FRMPD2: variants seen among roughly 807,000 people sequenced by gnomAD.
FRMPD2 encodes the protein FERM and PDZ domain containing 2.
In FRMPD2, 96 loss-of-function variants were observed where a neutral mutation model predicts 140.1. The ratio of observed to expected loss-of-function variants is 0.69; its 90% CI spans 0.58 to 0.81. The LOEUF (loss-of-function observed/expected upper bound fraction) is 0.81, where lower values mean the gene tolerates loss of function less well. FRMPD2 is among the 40% of genes least tolerant of loss of function. The pLI, the probability that FRMPD2 is intolerant of heterozygous loss-of-function variation, is 0.00. For missense variants in FRMPD2, 1,240 were observed against 1,447.4 expected, an observed-to-expected ratio of 0.86 and a Z score of 2.32; for synonymous variants, 449 against 547.6, an observed-to-expected ratio of 0.82 and a Z score of 2.52.
At chr10:48,249,224 T>C in intron 2 of FRMPD2, 46 bp from the exon 3 acceptor site, 2 of 1,594,624 alleles carry the variant, frequency 1.3e-6, no homozygotes, top group Admixed American at 1.7e-5. Context: ...AGCTTCCATC[T>C]GGGGTGCCAG....
At chr10:48,218,743 C>T (rs958219586) in intron 12 of FRMPD2, among the ~76,000 whole-genome samples, 1 of 152,108 alleles carries the variant, frequency 6.6e-6, no homozygotes, top group Admixed American at 6.5e-5. Context: ...GCAAATGTGA[C>T]AGAGGAGAGC....
intron 16 of FRMPD2, among the ~76,000 whole-genome samples, chr10:48,187,894 T>G (rs1165800349): frequency 6.6e-6 from 1 of 152,200 alleles, no homozygotes; most frequent in Non-Finnish European, 1.5e-5. Context: ...GGCATTCAAC[T>G]GGCCCTGACG....
At chr10:48,185,754 A>G (rs998146609) in intron 17 of FRMPD2, 109 bp from the exon 18 acceptor site, 1 of 785,738 alleles carries the variant, frequency 1.3e-6, no homozygotes, top group African/African-American at 1.7e-5. Flanking sequence ...ACACATTCAC[A>G]CGCACACAAT....
At chr10:48,174,109 C>T (rs2258534) in intron 24 of FRMPD2, among the ~76,000 whole-genome samples, 1 of 151,350 alleles carries the variant, frequency 6.6e-6, no homozygotes, top group Non-Finnish European at 1.5e-5. Context: ...CACCAGAAAA[C>T]CGCTTTGGGA....
In FRMPD2 at chr10:48,184,600, AGG is replaced by A; in HGVS notation, c.2548_2549del (p.Pro850Ter). Reference sequence around the variant, plus strand: ...GAGAAATAATTAATTCTATGTTGTCAGGGGAATTCTGGATCATCCTAACAGCC... The same window carrying A: ...GAGAAATAATTAATTCTATGTTGTCAGGAATTCTGGATCATCCTAACAGCC... ...NMAVRMIQNSPDNIELIISQS... is the reference protein window; with the variant it reads ...NMAVRMIQNSXDNIELIISQS... On this transcript the variant is annotated frameshift_variant, in exon 20 of 29. Transcript: ENST00000374201. LOFTEE classifies it high-confidence loss of function. 14 of 1,612,622 alleles carry A rather than the reference AGG, an allele frequency of 8.7e-6. No individual in the cohort carries two copies. The highest frequency in any genetic ancestry group is 1.1e-5 in the Non-Finnish European group (13 of 1,178,738).
chr10:48,191,228 G>A (rs1838823450), intron 16 of FRMPD2, among the ~76,000 whole-genome samples: 1 of 152,070 alleles, frequency 6.6e-6, no homozygotes, highest in Admixed American at 6.6e-5. Context: ...GAGAGAGAGG[G>A]GCTCCGTGAG....
intron 10 of FRMPD2, among the ~76,000 whole-genome samples, chr10:48,228,196 G>A (rs1839769558): frequency 6.6e-6 from 1 of 151,988 alleles, no homozygotes; most frequent in Admixed American, 6.5e-5. Flanking sequence ...TTTGTTTCAT[G>A]TCTTATGGAG....
intron 27 of FRMPD2, among the ~76,000 whole-genome samples, chr10:48,167,444 G>A (rs1287796809): frequency 1.7e-5 from 1 of 59,700 alleles, no homozygotes; most frequent in Admixed American, 1.9e-4. Context: ...ACAAGCAAAG[G>A]CACAGGTTCT....
chr10:48,259,150 G>A (rs1015375061), intron 1 of FRMPD2, among the ~76,000 whole-genome samples: 1 of 152,198 alleles, frequency 6.6e-6, no homozygotes, highest in Non-Finnish European at 1.5e-5. Context: ...TGTGACCGCA[G>A]TGTGTATTAG....
chr10:48,271,197 C>T (rs1173144861), intron 1 of FRMPD2, among the ~76,000 whole-genome samples: 2 of 152,144 alleles, frequency 1.3e-5, no homozygotes, highest in Non-Finnish European at 2.9e-5. Context: ...CACCACAACC[C>T]CCTTGCCTCC....
chr10:48,274,603 A>T lies in FRMPD2; in HGVS notation c.-36T>A. On this transcript the variant is annotated 5_prime_UTR_variant, in exon 1 of 29. It removes an upstream start codon present in the reference 5' UTR. Coordinates refer to ENST00000374201, the MANE Select transcript of FRMPD2 (RefSeq NM_001018071.4). The stretch of plus-strand genomic sequence containing the variant: ...CCGTGACCAGGTCTAGGCCTTCATC[A>T]TGGGACAACTTTCCAACAAGGAGCA... 6.2e-7 allele frequency: 1 copy of T among 1,610,734 alleles called. No individual in the cohort carries two copies.
intron 27 of FRMPD2, among the ~76,000 whole-genome samples, chr10:48,166,434 C>T (rs1838101921): frequency 1.1e-5 from 1 of 95,166 alleles, no homozygotes; most frequent in African/African-American, 4.2e-5. Flanking sequence ...CCGAGTGGCC[C>T]CTCTGAAGAA....
intron 1 of FRMPD2, among the ~76,000 whole-genome samples, chr10:48,272,354 C>T (rs1195970442): frequency 6.6e-6 from 1 of 152,148 alleles, no homozygotes; most frequent in African/African-American, 2.4e-5. Flanking sequence ...ATTTTGTAAG[C>T]TGGTCATTAA....
At chr10:48,269,513 C>T (rs1840732573) in intron 1 of FRMPD2, among the ~76,000 whole-genome samples, 1 of 152,130 alleles carries the variant, frequency 6.6e-6, no homozygotes, top group East Asian at 1.9e-4. Flanking sequence ...CTGAGAGTTC[C>T]CCCTTCACGG....
intron 15 of FRMPD2, chr10:48,199,584 A>C (rs1217266339): frequency 2.0e-5 from 3 of 152,208 alleles, no homozygotes; most frequent in Non-Finnish European, 4.4e-5. Flanking sequence ...TCTCTAGATT[A>C]TGTGTATTGC....
chr10:48,243,337 G>T (rs1047142685), intron 4 of FRMPD2, among the ~76,000 whole-genome samples: 6 of 152,234 alleles, frequency 3.9e-5, no homozygotes, highest in African/African-American at 1.4e-4. Flanking sequence ...AGGAAAGTGG[G>T]GAGTGAGGTG....
intron 14 of FRMPD2, among the ~76,000 whole-genome samples, chr10:48,201,889 A>C (rs1043157556): frequency 6.6e-6 from 1 of 152,122 alleles, no homozygotes; most frequent in Admixed American, 6.6e-5. Flanking sequence ...TATCTTCACA[A>C]CTACAGAATA....
chr10:48,253,123 T>C (rs1218627056), intron 1 of FRMPD2, among the ~76,000 whole-genome samples: 5 of 152,224 alleles, frequency 3.3e-5, no homozygotes, highest in African/African-American at 1.2e-4. Flanking sequence ...TTTAAATTGC[T>C]TTATGACTAG....
At position 48,240,406 on chromosome 10, in the gene FRMPD2, G is replaced by A. The variant is rs370113391; in HGVS notation, c.654C>T (p.Ser218=). The change falls in exon 6 of 29, where the codon AGC becomes AGT. Residue 218 remains serine, a synonymous_variant. Coordinates refer to ENST00000374201, the MANE Select transcript of FRMPD2 (RefSeq NM_001018071.4). Reference sequence around the variant, plus strand: ...CCGGGGCCTGTGCCGCTGGGCTCTCGCTGCTTGTCCCACGCAGCCTCTTCC... The same window carrying A: ...CCGGGGCCTGTGCCGCTGGGCTCTCACTGCTTGTCCCACGCAGCCTCTTCC... ...LLRKRLRGTS[S]ESPAAQAPEC... 6.8e-6 allele frequency: 11 copies of A among 1,613,184 alleles called. No homozygotes were observed. The highest frequency in any genetic ancestry group is 6.7e-5 in the African/African-American group (5 of 74,950).
Sources: gnomAD v4.1 joint callset for allele counts (sites outside exome capture counted in the v4.1 genomes callset) on GRCh38, gnomAD v4.1.1 for gene constraint, MANE v1.5 for transcripts, NCBI Gene and HGNC (gene_info 2026-07-23, HGNC 2026-07-21) for gene names.